The following ATP6V0A4 variants were observed in gnomAD, a reference collection of about 807,000 sequenced individuals.
ATP6V0A4 encodes V-type proton ATPase 116 kDa subunit a 4.
A neutral mutation model predicts 107.3 loss-of-function variants in ATP6V0A4; 86 were observed. That is an observed-to-expected ratio of 0.80 (90% CI 0.67 to 0.96). The LOEUF is 0.96. Among genes scored for constraint, ATP6V0A4 ranks in the 40% least tolerant of loss-of-function variants. The probability of loss-of-function intolerance (pLI) is 0.00; values close to 1 mark genes in which losing one functional copy is unlikely to be tolerated. For missense variants in ATP6V0A4, 908 were observed against 1,045.6 expected (o/e 0.87, Z 1.81); for synonymous variants, 353 against 381.4 (o/e 0.93, Z 0.87).
chr7:138,793,050 T>G (rs1384001621), intron 1 of ATP6V0A4, among the ~76,000 whole-genome samples: 2 of 151,956 alleles, frequency 1.3e-5, no homozygotes, highest in Non-Finnish European at 2.9e-5. Flanking sequence ...TCCCAGCACT[T>G]TGGGAGGCTG....
intron 12 of ATP6V0A4, 127 bp from the exon 13 acceptor site, chr7:138,747,691 A>G: frequency 7.0e-7 from 1 of 1,420,220 alleles, no homozygotes; most frequent in Non-Finnish European, 9.5e-7. Flanking sequence ...GTCTTTTCTC[A>G]CCATCCCTAC....
intron 1 of ATP6V0A4, among the ~76,000 whole-genome samples, chr7:138,788,924 T>A (rs1438295549): frequency 6.6e-6 from 1 of 152,230 alleles, no homozygotes; most frequent in Non-Finnish European, 1.5e-5. Flanking sequence ...CTCTTTTCTT[T>A]ACAAATTACC....
At chr7:138,754,386 T>C (rs1806400913) in intron 10 of ATP6V0A4, among the ~76,000 whole-genome samples, 1 of 146,602 alleles carries the variant, frequency 6.8e-6, no homozygotes, top group South Asian at 2.2e-4. Context: ...AGGCGGAGGT[T>C]GCGGTGAGCC....
intron 8 of ATP6V0A4, among the ~76,000 whole-genome samples, chr7:138,757,452 G>A (rs541025488): frequency 1.4e-4 from 22 of 152,116 alleles, no homozygotes; most frequent in African/African-American, 5.3e-4. Context: ...GGAAGTCGAG[G>A]CTGCAGTGAG....
intron 1 of ATP6V0A4, among the ~76,000 whole-genome samples, chr7:138,797,797 C>T (rs1352244203): frequency 6.6e-6 from 1 of 152,126 alleles, no homozygotes. Context: ...ACAGATCTCT[C>T]TTGTCCTCCC....
intron 14 of ATP6V0A4, among the ~76,000 whole-genome samples, chr7:138,740,736 G>A (rs1440563351): frequency 2.6e-5 from 4 of 151,728 alleles, no homozygotes; most frequent in Non-Finnish European, 4.4e-5. Context: ...CACGATGCCC[G>A]GCCCAGAAAT....
At chr7:138,771,399 AC>A in intron 2 of ATP6V0A4, 135 bp from the exon 3 acceptor site, 4 of 927,836 alleles carry the variant, frequency 4.3e-6, no homozygotes, top group Non-Finnish European at 6.1e-6. Flanking sequence ...ATTTTAGGAG[AC>A]TTTTTTTTTT....
intron 11 of ATP6V0A4, among the ~76,000 whole-genome samples, chr7:138,750,702 C>T (rs1806178724): frequency 6.6e-6 from 1 of 152,226 alleles, no homozygotes; most frequent in African/African-American, 2.4e-5. Flanking sequence ...GCCAGCCTCC[C>T]AGCGCTCTGC....
At chr7:138,793,172 G>A (rs1261457658) in intron 1 of ATP6V0A4, among the ~76,000 whole-genome samples, 1 of 152,090 alleles carries the variant, frequency 6.6e-6, no homozygotes, top group Non-Finnish European at 1.5e-5. Context: ...GCACACGCCT[G>A]TAATCCCAGC....
At chr7:138,751,070 A>C (rs451054) in intron 11 of ATP6V0A4, among the ~76,000 whole-genome samples, 90,843 of 151,742 alleles carry the variant, frequency 0.6, 27,238 homozygotes, top group Non-Finnish European at 0.62. Context: ...TCTTCAGATA[A>C]CACGAGATCT....
intron 14 of ATP6V0A4, 84 bp from the exon 15 acceptor site, chr7:138,739,717 C>T: frequency 2.6e-6 from 4 of 1,563,976 alleles, no homozygotes; most frequent in Non-Finnish European, 3.5e-6. Context: ...ACGAACTTGC[C>T]CATCAAAGTC....
At chr7:138,766,297 G>C (rs1807089689) in intron 5 of ATP6V0A4, among the ~76,000 whole-genome samples, 1 of 151,084 alleles carries the variant, frequency 6.6e-6, no homozygotes, top group African/African-American at 2.4e-5. Flanking sequence ...CCCTCTCCTG[G>C]GGTCAAACAA....
chr7:138,735,968 A>T (rs6467794), intron 15 of ATP6V0A4, among the ~76,000 whole-genome samples: 86,605 of 150,394 alleles, frequency 0.58, 25,224 homozygotes, highest in East Asian at 0.91. Context: ...CTCAGGAGGC[A>T]GAGGCAGAAG....
chr7:138,755,952 G>T, intron 9 of ATP6V0A4, 170 bp from the exon 10 acceptor site: 1 of 1,214,254 alleles, frequency 8.2e-7, no homozygotes, highest in African/African-American at 1.5e-5. Context: ...AGGGTTCCCA[G>T]TACGTCACTT....
intron 19 of ATP6V0A4, among the ~76,000 whole-genome samples, chr7:138,716,986 A>T (rs1441509162): frequency 6.6e-6 from 1 of 152,232 alleles, no homozygotes; most frequent in East Asian, 1.9e-4. Context: ...ATGCAGTGGT[A>T]TCGTGGGAAC....
At chr7:138,782,763 G>A (rs1584949729) in intron 2 of ATP6V0A4, among the ~76,000 whole-genome samples, 1 of 152,082 alleles carries the variant, frequency 6.6e-6, no homozygotes, top group East Asian at 1.9e-4. Context: ...AAAGTCAGTG[G>A]CTGGTGAAGA....
In ATP6V0A4 at chr7:138,715,824, C is replaced by G; in HGVS notation, c.2197G>C (p.Gly733Arg). 2 of 1,613,918 alleles carry G rather than the reference C, an allele frequency of 1.2e-6. No homozygotes were observed. Among genetic ancestry groups the G allele is most frequent in the Non-Finnish European group, 1.7e-6 (2 of 1,179,878 alleles). Residue 733 changes from glycine (G) to arginine (R), a missense_variant, in exon 20 of 22, where the codon GGC becomes CGC. Transcript: ENST00000310018. Reference protein sequence around the residue: ...QAIHTIEYCLGCISNTASYLR... With the variant: ...QAIHTIEYCLRCISNTASYLR... ...TAGGAGGCTGTGTTTGAAATGCAGCCCAGGCAGTACTCGATGGTGTGGATG... is the reference window on the plus strand; with the variant it reads ...TAGGAGGCTGTGTTTGAAATGCAGCGCAGGCAGTACTCGATGGTGTGGATG...
intron 1 of ATP6V0A4, among the ~76,000 whole-genome samples, chr7:138,792,630 C>T (rs1364109990): frequency 6.6e-6 from 1 of 152,112 alleles, no homozygotes; most frequent in Non-Finnish European, 1.5e-5. Flanking sequence ...CAGGGTCTCA[C>T]TCTGTCACCC....
rs1235821697 is a variant in ATP6V0A4, at chr7:138,749,196, C to T, written c.1151G>A (p.Gly384Asp). The change falls in exon 12 of 22, where the codon GGT becomes GAT. Residue 384 changes from glycine to aspartate, a missense_variant. Physicochemically the swap from Gly to Asp is moderately conservative, Grantham distance 94. Coordinates refer to ENST00000310018, the MANE Select transcript of ATP6V0A4 (RefSeq NM_020632.3). Reference protein sequence around the residue: ...AGFQNIVDAYGVGSYREINPA... With the variant: ...AGFQNIVDAYDVGSYREINPA... ...GTTTATCTCCCGGTAGCTGCCGACACCATAGGCATCAACAATATTCTGGAA... is the reference window on the plus strand; with the variant it reads ...GTTTATCTCCCGGTAGCTGCCGACATCATAGGCATCAACAATATTCTGGAA... 6.2e-7 allele frequency: 1 copy of T among 1,614,056 alleles called. No individual in the cohort carries two copies. Among genetic ancestry groups the T allele is most frequent in the Non-Finnish European group, 8.5e-7 (1 of 1,180,010 alleles).
Sources: allele counts gnomAD v4.1 joint callset (sites outside exome capture counted in the v4.1 genomes callset), GRCh38; gene constraint gnomAD v4.1.1; transcripts MANE v1.5; gene names NCBI Gene and HGNC (gene_info 2026-07-23, HGNC 2026-07-21).